TUBGCP3: variants seen among roughly 807,000 people sequenced by gnomAD.
The protein encoded by TUBGCP3 is gamma-tubulin complex component 3.
Under a neutral mutation model 123.1 loss-of-function variants are expected in TUBGCP3, and 50 were observed. The observed-to-expected ratio is 0.41, with a 90% CI of 0.32 to 0.51. The LOEUF (loss-of-function observed/expected upper bound fraction) is 0.51, where lower values mean the gene tolerates loss of function less well. TUBGCP3 is among the 20% of genes least tolerant of loss of function. The pLI is 0.36. For synonymous variants in TUBGCP3, 405 were observed against 413.9 expected (o/e 0.98, Z 0.26); for missense variants, 882 against 1,127.0 (o/e 0.78, Z 3.11).
At chr13:112,533,724 G>A (rs982850415) in intron 11 of TUBGCP3, among the ~76,000 whole-genome samples, 7 of 148,234 alleles carry the variant, frequency 4.7e-5, no homozygotes, top group East Asian at 2.0e-4. Flanking sequence ...AAATAAGCCC[G>A]CATATTACCA....
intron 20 of TUBGCP3, among the ~76,000 whole-genome samples, chr13:112,498,415 AT>A (rs1171149741): frequency 6.6e-6 from 1 of 152,186 alleles, no homozygotes; most frequent in South Asian, 2.1e-4. Context: ...AATTTTATAT[AT>A]TTTTTATAAT....
At chr13:112,575,591 C>T (rs1204600901) in intron 1 of TUBGCP3, among the ~76,000 whole-genome samples, 1 of 152,198 alleles carries the variant, frequency 6.6e-6, no homozygotes, top group Non-Finnish European at 1.5e-5. Context: ...ACACCAACAA[C>T]CAACTAAACC....
intron 3 of TUBGCP3, 108 bp from the exon 4 acceptor site, chr13:112,559,507 C>A: frequency 1.1e-6 from 1 of 876,780 alleles, no homozygotes; most frequent in South Asian, 2.2e-5. Flanking sequence ...TTTTAAAATT[C>A]ACATAGTAAC....
intron 11 of TUBGCP3, among the ~76,000 whole-genome samples, chr13:112,532,534 T>A (rs1350878644): frequency 2.6e-5 from 4 of 152,234 alleles, no homozygotes; most frequent in Non-Finnish European, 1.5e-5. Context: ...AAAGGGCAAA[T>A]GGAAACTGAG....
the TUBGCP3 span, among the ~76,000 whole-genome samples, chr13:112,598,779 C>A: frequency 6.6e-6 from 1 of 151,760 alleles, no homozygotes; most frequent in Non-Finnish European, 1.5e-5. Flanking sequence ...CCTGTCTCTA[C>A]TAAAAATACA....
At chr13:112,533,069 T>A (rs1206774016) in intron 11 of TUBGCP3, among the ~76,000 whole-genome samples, 1 of 152,178 alleles carries the variant, frequency 6.6e-6, no homozygotes, top group East Asian at 1.9e-4. Flanking sequence ...CAGCCATGAT[T>A]GGCACTCAAA....
rs1276520133 is a variant in TUBGCP3, at chr13:112,511,487, G to A, written c.2086+4953C>T. ...TTTTTGAAGGCAATGAACCGCAGCT[G>A]GGCCGGTACTAAAGGCTGTGCTGCC... is the stretch of plus-strand genomic sequence containing the variant. On this transcript the variant is annotated intron_variant, in intron 17 of 21. Coordinates refer to ENST00000261965, the MANE Select transcript of TUBGCP3 (RefSeq NM_006322.6). The surrounding 1 kb of genome is among the most constrained non-coding windows in gnomAD (Gnocchi z 4.1). 6.6e-6 allele frequency among the ~76,000 whole-genome samples: 1 copy of A among 152,126 alleles called. No homozygotes were observed. The highest frequency in any genetic ancestry group is 1.9e-4 in the East Asian group (1 of 5,186).
At chr13:112,529,276 T>C (rs541755894) in intron 11 of TUBGCP3, among the ~76,000 whole-genome samples, 1 of 152,328 alleles carries the variant, frequency 6.6e-6, no homozygotes, top group African/African-American at 2.4e-5. Context: ...GCCGGCCCCA[T>C]TTAATGAATA....
At chr13:112,573,664 C>T (rs1881589608) in intron 1 of TUBGCP3, among the ~76,000 whole-genome samples, 2 of 152,222 alleles carry the variant, frequency 1.3e-5, no homozygotes, top group South Asian at 4.1e-4. Context: ...AGGAAGAAAT[C>T]TTTCAGAAAG....
chr13:112,512,464 T>A (rs991646522), intron 17 of TUBGCP3, among the ~76,000 whole-genome samples: 47 of 143,960 alleles, frequency 3.3e-4, no homozygotes, highest in Admixed American at 2.8e-3. Flanking sequence ...CCAGACACAG[T>A]GGCTCACGCC....
chr13:112,516,392 G>A, intron 17 of TUBGCP3, 48 bp downstream of exon 17: 1 of 1,494,062 alleles, frequency 6.7e-7, no homozygotes, highest in South Asian at 1.3e-5. Flanking sequence ...GTGGGGGCTG[G>A]AGGCCGCTGG....
chr13:112,535,394 T>A (rs905533365), intron 11 of TUBGCP3, among the ~76,000 whole-genome samples: 1 of 151,954 alleles, frequency 6.6e-6, no homozygotes, highest in Non-Finnish European at 1.5e-5. Flanking sequence ...TGCACCATTC[T>A]GTGTTTCTAA....
At position 112,581,483 on chromosome 13, in the gene TUBGCP3, T is replaced by C. The variant is rs969435367; in HGVS notation, c.76+6422A>G. Among the ~76,000 whole-genome samples the C allele has an allele frequency of 2.6e-5, 4 of 151,556 alleles. No homozygotes were observed. In the South Asian group the frequency reaches 6.2e-4, roughly 24 times the overall value. ...TTTTCCCAGACAAGGTCTCACTCTG[T>C]CGCCCAGGCTGGAGTGCAGTGGTAA... is the stretch of plus-strand genomic sequence containing the variant. On this transcript the variant is annotated intron_variant, in intron 1 of 21. Transcript: ENST00000261965.
chr13:112,555,505 C>T (rs1217684345), intron 6 of TUBGCP3, among the ~76,000 whole-genome samples: 1 of 152,164 alleles, frequency 6.6e-6, no homozygotes, highest in Non-Finnish European at 1.5e-5. Flanking sequence ...GTAGTGTTCT[C>T]AATAAAGAAA....
intron 14 of TUBGCP3, among the ~76,000 whole-genome samples, chr13:112,521,013 A>G (rs1876574014): frequency 6.6e-6 from 1 of 152,202 alleles, no homozygotes; most frequent in Non-Finnish European, 1.5e-5. Flanking sequence ...TTCAACATTA[A>G]GATTGGGCAC....
chr13:112,503,970 G>A, intron 19 of TUBGCP3, 62 bp downstream of exon 19: 1 of 1,541,610 alleles, frequency 6.5e-7, no homozygotes, highest in Non-Finnish European at 8.8e-7. Context: ...CCATTTGACA[G>A]GAACCCAAGA....
chr13:112,544,529 C>A (rs1016665663), intron 11 of TUBGCP3: 2 of 150,010 alleles, frequency 1.3e-5, no homozygotes, highest in Non-Finnish European at 3.0e-5. Flanking sequence ...GTTAGAGAAA[C>A]TCATAAATAC....
chr13:112,510,513 A>C (rs1476047661), intron 17 of TUBGCP3, among the ~76,000 whole-genome samples: 1 of 152,180 alleles, frequency 6.6e-6, no homozygotes, highest in African/African-American at 2.4e-5. Context: ...GATTGTTTTC[A>C]AAGTCTCTAA....
At position 112,568,290 on chromosome 13, in the gene TUBGCP3, T is replaced by C. The variant is rs185250781; in HGVS notation, c.184+862A>G. On this transcript the variant is annotated intron_variant, in intron 2 of 21. Transcript: ENST00000261965. ...CAAGGCCAAATGGGCTTCTAGAACATGTTATTATTGAGACCCAAGGCCAAA... is the reference window on the plus strand; with the variant it reads ...CAAGGCCAAATGGGCTTCTAGAACACGTTATTATTGAGACCCAAGGCCAAA... Among the ~76,000 whole-genome samples, 345 of 150,486 alleles carry C rather than the reference T, an allele frequency of 2.3e-3. 2 individuals carry two copies. The highest frequency in any genetic ancestry group is 0.021 in the Middle Eastern group (6 of 280).
Sources: allele counts gnomAD v4.1 joint callset (sites outside exome capture counted in the v4.1 genomes callset), GRCh38; gene constraint gnomAD v4.1.1; non-coding constraint Gnocchi (gnomAD v3.1); transcripts MANE v1.5; gene names NCBI Gene and HGNC (gene_info 2026-07-23, HGNC 2026-07-21).